Variants in TIMMDC1 observed in about 807,000 individuals in gnomAD.
TIMMDC1 encodes translocase of inner mitochondrial membrane domain containing 1, also known as complex I assembly factor TIMMDC1, mitochondrial.
A neutral mutation model predicts 32.6 loss-of-function variants in TIMMDC1; 25 were observed. The observed-to-expected ratio is 0.77, with a 90% CI of 0.56 to 1.07. The LOEUF is 1.07. Ranked by LOEUF, TIMMDC1 falls within the 50% of genes least tolerant of loss-of-function variation. The pLI, the probability that TIMMDC1 is intolerant of heterozygous loss-of-function variation, is 0.00. For missense variants in TIMMDC1, 329 were observed against 349.2 expected (o/e 0.94, Z 0.46); for synonymous variants, 130 against 127.6 (o/e 1.02, Z -0.13).
chr3:119,498,986 G>A, intron 1 of TIMMDC1, 59 bp downstream of exon 1: 2 of 1,538,152 alleles, frequency 1.3e-6, no homozygotes, highest in Non-Finnish European at 1.8e-6. Flanking sequence ...GTCCTGCAGC[G>A]TGGGCAGCCT....
At position 119,504,026 on chromosome 3, in the gene TIMMDC1, G is replaced by A. The variant is rs1314555490; in HGVS notation, c.517+5G>A. ...GCCATTTTGTAATTGCAGGAGGTAA[G>A]ACATTTTTGTTTATATTTTTCAGTC... On this transcript the variant is annotated splice_donor_5th_base_variant and intron_variant, in intron 4 of 6. Transcript: ENST00000494664. 2 of 1,606,498 alleles carry A rather than the reference G, an allele frequency of 1.2e-6. No homozygotes were observed. The highest frequency in any genetic ancestry group is 2.2e-5 in the South Asian group (2 of 90,934).
chr3:119,523,670 G>A lies in TIMMDC1; in HGVS notation c.772G>A (p.Glu258Lys). 1 of 1,613,656 alleles carries A rather than the reference G, an allele frequency of 6.2e-7. No homozygotes were observed. Among genetic ancestry groups the A allele is most frequent in the East Asian group, 2.2e-5 (1 of 44,874 alleles). Residue 258 changes from glutamate to lysine, a missense_variant, in exon 7 of 7, where the codon GAA becomes AAA. Transcript: ENST00000494664. ...EKIESSLQED[E>K]PENDAKKIEA... is the part of the protein sequence containing the mutation. The stretch of plus-strand genomic sequence containing the variant: ...AATTGAAAGTAGTTTACAGGAAGAT[G>A]AACCTGAGAATGATGCTAAGAAAAT...
At chr3:119,506,303 G>A (rs1235974504) in intron 4 of TIMMDC1, among the ~76,000 whole-genome samples, 3 of 152,078 alleles carry the variant, frequency 2.0e-5, no homozygotes, top group Middle Eastern at 3.2e-3. Flanking sequence ...TGGGCAGATC[G>A]CTTGAGTATA....
chr3:119,518,593 A>C (rs2082001871), intron 6 of TIMMDC1, among the ~76,000 whole-genome samples: 1 of 152,194 alleles, frequency 6.6e-6, no homozygotes, highest in South Asian at 2.1e-4. Context: ...GAAACATTAA[A>C]AACTGCAGAA....
intron 4 of TIMMDC1, among the ~76,000 whole-genome samples, chr3:119,511,390 T>C (rs571748658): frequency 6.6e-6 from 1 of 151,542 alleles, no homozygotes; most frequent in Admixed American, 6.6e-5. Flanking sequence ...TGGGGGAGAA[T>C]AGCTTGAACC....
intron 6 of TIMMDC1, among the ~76,000 whole-genome samples, chr3:119,521,489 A>G (rs746105755): frequency 2.6e-5 from 4 of 152,116 alleles, no homozygotes; most frequent in Non-Finnish European, 5.9e-5. Context: ...GGAGGTTGCA[A>G]TGAACCAAGA....
intron 4 of TIMMDC1, 76 bp downstream of exon 4, chr3:119,504,097 A>G (rs2081899728): frequency 9.0e-7 from 1 of 1,111,788 alleles, no homozygotes; most frequent in African/African-American, 1.6e-5. Context: ...ATACATCAGA[A>G]CTACTGAATT....
At chr3:119,513,752 CA>C in intron 5 of TIMMDC1, 33 bp downstream of exon 5, 1 of 1,388,402 alleles carries the variant, frequency 7.2e-7, no homozygotes, top group Non-Finnish European at 9.9e-7. Context: ...TCTAAATTGG[CA>C]CAATTTTCAT....
chr3:119,523,820 A>G lies in TIMMDC1; in HGVS notation c.*64A>G, dbSNP rs2082047294. ...GAGCTGCCATGTCCGATGAATGCCA[A>G]CAGACAGGCCACTCTTTGGTCAGCC... On this transcript the variant is annotated 3_prime_UTR_variant, in exon 7 of 7. Coordinates refer to ENST00000494664, the MANE Select transcript of TIMMDC1 (RefSeq NM_016589.4). 3.5e-6 allele frequency: 5 copies of G among 1,433,618 alleles called. No individual in the cohort carries two copies. In the African/African-American group the frequency reaches 5.7e-5, roughly 16 times the overall value. 88.8% of individuals were successfully genotyped at this position (1,433,618 alleles called of 1,614,324 possible). A position where few individuals can be genotyped will look rare whatever the true frequency, so the allele number is the denominator to read the frequency against.
rs113381997 is a variant in TIMMDC1 at position 119,509,163 on chromosome 3, G to A, written c.518-4478G>A. 6.8e-3 allele frequency among the ~76,000 whole-genome samples: 1,026 copies of A among 151,908 alleles called. 6 individuals are homozygous for A. The highest frequency in any genetic ancestry group is 0.024 in the African/African-American group (985 of 41,494). ...AGAGCTTGCAGTGAGCTGAGATCGC[G>A]CCACTGCACTCCAGCCTGGGCTACA... On this transcript the variant is annotated intron_variant, in intron 4 of 6. Coordinates refer to ENST00000494664, the MANE Select transcript of TIMMDC1 (RefSeq NM_016589.4).
chr3:119,522,142 A>G (rs770262631), intron 6 of TIMMDC1, among the ~76,000 whole-genome samples: 6 of 152,200 alleles, frequency 3.9e-5, no homozygotes, highest in Non-Finnish European at 8.8e-5. Flanking sequence ...TAGCCAAGGT[A>G]TGGAATCAAC....
rs755212356 is a variant in TIMMDC1, at chr3:119,500,787, C to T, written c.287C>T (p.Ala96Val). The T allele has an allele frequency of 5.8e-5, 94 of 1,614,084 alleles. No individual in the cohort carries two copies. Among genetic ancestry groups the T allele is most frequent in the Non-Finnish European group, 7.6e-5 (90 of 1,179,978 alleles). The change falls in exon 2 of 7, where the codon GCT becomes GTT. Residue 96 changes from alanine (A) to valine (V), a missense_variant. Transcript: ENST00000494664. Reference protein sequence around the residue: ...IIGWVYGGIPAFIHAKQQYIE... With the variant: ...IIGWVYGGIPVFIHAKQQYIE... ...GGCTGGGTGTATGGGGGAATACCAG[C>T]TTTTATTCATGCTAAACAACAATAC... is the stretch of plus-strand genomic sequence containing the variant.
At chr3:119,512,091 G>A (rs2081956317) in intron 4 of TIMMDC1, among the ~76,000 whole-genome samples, 1 of 152,132 alleles carries the variant, frequency 6.6e-6, no homozygotes, top group Non-Finnish European at 1.5e-5. Context: ...ATTATTTGTG[G>A]AGGGATTATC....
chr3:119,516,659 C>T (rs572928701), intron 5 of TIMMDC1, among the ~76,000 whole-genome samples: 60 of 152,144 alleles, frequency 3.9e-4, no homozygotes, highest in Non-Finnish European at 5.9e-4. Context: ...TTATCTAAAT[C>T]AGTTTCTCAA....
chr3:119,500,756 A>G lies in TIMMDC1; in HGVS notation c.256A>G (p.Ile86Val). The G allele has an allele frequency of 6.2e-7, 1 of 1,614,214 alleles. No homozygotes were observed. Residue 86 changes from isoleucine (I) to valine (V), a missense_variant, in exon 2 of 7, where the codon ATC (isoleucine) becomes GTC (valine). By Grantham distance (29) the Ile-to-Val change is conservative. Transcript: ENST00000494664. ...NICKTAATAG[I>V]IGWVYGGIPA... ...CTGTAAGACGGCAGCTACAGCAGGCATCATTGGCTGGGTGTATGGGGGAAT... is the reference window on the plus strand; with the variant it reads ...CTGTAAGACGGCAGCTACAGCAGGCGTCATTGGCTGGGTGTATGGGGGAAT...
chr3:119,499,592 ATT>A (rs2081854340), intron 1 of TIMMDC1, among the ~76,000 whole-genome samples: 1 of 149,240 alleles, frequency 6.7e-6, no homozygotes, highest in Non-Finnish European at 1.5e-5. Context: ...TAATTTTTGT[ATT>A]TTTAGTAGAG....
intron 4 of TIMMDC1, among the ~76,000 whole-genome samples, chr3:119,507,506 G>A (rs556054209): frequency 2.6e-5 from 4 of 152,000 alleles, no homozygotes; most frequent in East Asian, 1.9e-4. Flanking sequence ...TTCTCTCTTC[G>A]AATTTCCATC....
chr3:119,499,183 T>C (rs2081849382), intron 1 of TIMMDC1, among the ~76,000 whole-genome samples: 1 of 148,084 alleles, frequency 6.8e-6, no homozygotes, highest in Non-Finnish European at 1.5e-5. Flanking sequence ...AACCTCTGCC[T>C]CTGGGACTCA....
intron 4 of TIMMDC1, among the ~76,000 whole-genome samples, chr3:119,510,268 GTAATA>G (rs970101888): frequency 2.0e-5 from 3 of 151,996 alleles, no homozygotes; most frequent in Non-Finnish European, 2.9e-5. Context: ...TACTAAGAAT[GTAATA>G]TAATAAGGAA....
Sources: gnomAD v4.1 joint callset for allele counts (sites outside exome capture counted in the v4.1 genomes callset) on GRCh38, gnomAD v4.1.1 for gene constraint, MANE v1.5 for transcripts, NCBI Gene and HGNC (gene_info 2026-07-23, HGNC 2026-07-21) for gene names.